TGFBR1: variants seen among roughly 807,000 people sequenced by gnomAD.
The protein encoded by TGFBR1 is transforming growth factor beta receptor 1.
A neutral mutation model predicts 55.1 loss-of-function variants in TGFBR1; 20 were observed. The ratio of observed to expected loss-of-function variants is 0.36; its 90% confidence interval spans 0.26 to 0.53. The LOEUF is 0.53. TGFBR1 is among the 20% of genes least tolerant of loss of function. The pLI is 0.91. For synonymous variants in TGFBR1, 220 were observed against 214.8 expected (o/e 1.02, Z -0.21); for missense variants, 385 against 617.6 (o/e 0.62, Z 3.99).
chr9:99,141,640 T>A (rs780181125), intron 4 of TGFBR1, among the ~76,000 whole-genome samples: 8 of 152,166 alleles, frequency 5.3e-5, no homozygotes, highest in Admixed American at 1.3e-4. Context: ...ACTCTAAGCG[T>A]CCATCTTTTA....
At position 99,149,249 on chromosome 9, in the gene TGFBR1, T is replaced by C. The variant is rs111818778; in HGVS notation, c.1456T>C (p.Leu486=). The change falls in exon 9 of 9, where the codon TTG becomes CTG. Residue 486 remains leucine (L), a synonymous_variant. Coordinates refer to ENST00000374994, the MANE Select transcript of TGFBR1 (RefSeq NM_004612.4). ...CAATGGAGCAGCTAGGCTTACAGCA[T>C]TGCGGATTAAGAAAACATTATCGCA... The part of the protein sequence containing the change: ...YANGAARLTA[L]RIKKTLSQLS... The C allele has an allele frequency of 1.2e-6, 2 of 1,613,882 alleles. No individual in the cohort carries two copies. The highest frequency in any genetic ancestry group is 2.2e-5 in the South Asian group (2 of 91,074).
chr9:99,128,413 G>A (rs1827102548), intron 1 of TGFBR1, among the ~76,000 whole-genome samples: 1 of 150,630 alleles, frequency 6.6e-6, no homozygotes, highest in African/African-American at 2.4e-5. Context: ...CTTAATGGGT[G>A]GTAGTGTTTT....
At chr9:99,106,876 C>G (rs1466000524) in intron 1 of TGFBR1, among the ~76,000 whole-genome samples, 2 of 152,196 alleles carry the variant, frequency 1.3e-5, no homozygotes, top group Non-Finnish European at 2.9e-5. Context: ...TCACGTGGGC[C>G]TGCATTAGAG....
At chr9:99,105,339 G>A (rs1186068998) in intron 1 of TGFBR1, 37 bp downstream of exon 1, 3 of 980,018 alleles carry the variant, frequency 3.1e-6, no homozygotes, top group Non-Finnish European at 2.4e-6. Flanking sequence ...ACTGCGGGGC[G>A]CGCGGGCCGG....
chr9:99,105,696 C>T (rs895760933), intron 1 of TGFBR1, among the ~76,000 whole-genome samples: 1 of 152,136 alleles, frequency 6.6e-6, no homozygotes, highest in Admixed American at 6.5e-5. Flanking sequence ...CGCCGCCGCC[C>T]CCTGGGCACG....
chr9:99,147,152 A>G (rs1471162349), intron 7 of TGFBR1, among the ~76,000 whole-genome samples: 1 of 152,148 alleles, frequency 6.6e-6, no homozygotes, highest in Non-Finnish European at 1.5e-5. Context: ...GCTGAGACCT[A>G]GTGCCTTAGG....
chr9:99,134,800 C>CT (rs1827369096), intron 3 of TGFBR1, among the ~76,000 whole-genome samples: 3 of 58,224 alleles, frequency 5.2e-5, no homozygotes, highest in African/African-American at 6.7e-5. Flanking sequence ...ATTCTGTTTC[C>CT]ATTATATATA....
In TGFBR1 at chr9:99,142,116, C is replaced by T. The variant is rs1182918563; in HGVS notation, c.806-420C>T. ...TTCCCACTGTGGCCACACTGGTCTCCGGAGACTTCTCACCTCCTTGCTTCC... is the reference window on the plus strand; with the variant it reads ...TTCCCACTGTGGCCACACTGGTCTCTGGAGACTTCTCACCTCCTTGCTTCC... On this transcript the variant is annotated intron_variant, in intron 4 of 8. Coordinates refer to ENST00000374994, the MANE Select transcript of TGFBR1 (RefSeq NM_004612.4). 5.9e-5 allele frequency among the ~76,000 whole-genome samples: 9 copies of T among 152,228 alleles called. No homozygotes were observed. The South Asian group carries it at 1.2e-3, about 21-fold the overall frequency.
intron 1 of TGFBR1, among the ~76,000 whole-genome samples, chr9:99,113,326 C>T (rs1163360848): frequency 6.6e-6 from 1 of 152,178 alleles, no homozygotes; most frequent in African/African-American, 2.4e-5. Context: ...CCTGGAGCTC[C>T]CTGATGGCTA....
chr9:99,152,620 T>C lies in TGFBR1; in HGVS notation c.*3315T>C. 1 of 228,690 alleles carries C rather than the reference T, an allele frequency of 4.4e-6. No individual in the cohort carries two copies. 14.2% of individuals were successfully genotyped at this position (228,690 alleles called of 1,614,324 possible). Reference sequence around the variant, plus strand: ...GTTAGAGTGCACAACAAAATCACTATCCCATTAGACACATCATCAAAAGCT... The same window carrying C: ...GTTAGAGTGCACAACAAAATCACTACCCCATTAGACACATCATCAAAAGCT... On this transcript the variant is annotated 3_prime_UTR_variant, in exon 9 of 9. Coordinates refer to ENST00000374994, the MANE Select transcript of TGFBR1 (RefSeq NM_004612.4).
At chr9:99,147,607 T>A (rs1827837574) in intron 7 of TGFBR1, 47 bp from the exon 8 acceptor site, 1 of 1,577,128 alleles carries the variant, frequency 6.3e-7, no homozygotes, top group East Asian at 2.2e-5. Context: ...GCCTTGGCAT[T>A]AGCTGAATAA....
In TGFBR1 at chr9:99,153,750, C is replaced by T. The variant is rs202020004; in HGVS notation, c.*4445C>T. On this transcript the variant is annotated 3_prime_UTR_variant, in exon 9 of 9. Transcript: ENST00000374994. The stretch of plus-strand genomic sequence containing the variant: ...ACTAGAACCTTTGAGTTACAAGAGT[C>T]TTTAGAAGTTTTCTAACCCTGCCTA... 3.5e-5 allele frequency: 7 copies of T among 202,806 alleles called. No individual in the cohort carries two copies. The highest frequency in any genetic ancestry group is 7.1e-5 in the Non-Finnish European group (7 of 98,480). The allele number at this position is 202,806 out of a possible 1,614,324, so 12.6% of individuals were successfully genotyped here.
upstream of TGFBR1, among the ~76,000 whole-genome samples, chr9:99,104,869 G>C (rs1365152841): frequency 2.6e-5 from 4 of 152,102 alleles, no homozygotes; most frequent in Admixed American, 6.5e-5. Context: ...GCGGCCTCTC[G>C]GAGCCGGGAG....
chr9:99,141,037 A>G (rs1040611319), intron 4 of TGFBR1, among the ~76,000 whole-genome samples: 4 of 152,104 alleles, frequency 2.6e-5, no homozygotes, highest in East Asian at 3.9e-4. Flanking sequence ...CTCCTGATTT[A>G]GTTAATTCCA....
chr9:99,131,266 AT>A (rs1827214942), intron 2 of TGFBR1, among the ~76,000 whole-genome samples: 1 of 152,122 alleles, frequency 6.6e-6, no homozygotes, highest in African/African-American at 2.4e-5. Context: ...CAAATGGAAC[AT>A]TTTTACGATC....
chr9:99,147,849 G>C (rs1021718584), intron 8 of TGFBR1, 65 bp downstream of exon 8: 21 of 1,591,424 alleles, frequency 1.3e-5, no homozygotes, highest in Non-Finnish European at 1.8e-5. Flanking sequence ...GCAAAAGTTT[G>C]CTACTTTTCT....
intron 1 of TGFBR1, among the ~76,000 whole-genome samples, chr9:99,109,316 G>A (rs184754649): frequency 7.7e-4 from 118 of 152,274 alleles, no homozygotes; most frequent in Non-Finnish European, 1.5e-4. Flanking sequence ...ATGGTCTTGA[G>A]TAAGTACAGT....
At position 99,154,001 on chromosome 9, in the gene TGFBR1, GTCCCCAAACCC is replaced by G. The variant is rs1564187134; in HGVS notation, c.*4698_*4708del. ...AGAACTGGAAAAATGATGAGATGTG[GTCCCCAAACCC>G]TTGATTGACTCTGGGGAGGGGCTTT... is the stretch of plus-strand genomic sequence containing the variant. On this transcript the variant is annotated 3_prime_UTR_variant, in exon 9 of 9. Transcript: ENST00000374994. 2 of 218,148 alleles carry G rather than the reference GTCCCCAAACCC, an allele frequency of 9.2e-6. No individual in the cohort carries two copies. The highest frequency in any genetic ancestry group is 1.8e-5 in the Non-Finnish European group (2 of 108,380). The allele number at this position is 218,148 out of a possible 1,614,324, so 13.5% of individuals were successfully genotyped here.
intron 1 of TGFBR1, chr9:99,128,146 T>C (rs1827093977): frequency 2.6e-6 from 1 of 379,818 alleles, no homozygotes; most frequent in African/African-American, 2.1e-5. Flanking sequence ...AAAGATCAAG[T>C]AGATACAAGT....
Sources: gnomAD v4.1 joint callset for allele counts (sites outside exome capture counted in the v4.1 genomes callset) on GRCh38, gnomAD v4.1.1 for gene constraint, MANE v1.5 for transcripts, NCBI Gene and HGNC (gene_info 2026-07-23, HGNC 2026-07-21) for gene names.